MUTYH: variants seen among roughly 807,000 people sequenced by gnomAD.
The protein encoded by MUTYH is mutY DNA glycosylase, also known as adenine DNA glycosylase.
In MUTYH, 64 loss-of-function variants were observed where a neutral mutation model predicts 72.9. The ratio of observed to expected loss-of-function variants is 0.88; its 90% CI spans 0.72 to 1.08. The LOEUF (loss-of-function observed/expected upper bound fraction) is 1.08, where lower values mean the gene tolerates loss of function less well. Among genes scored for constraint, MUTYH ranks in the 50% least tolerant of loss-of-function variants. MUTYH has a pLI of 0.00. For missense variants in MUTYH, 633 were observed against 671.0 expected, an observed-to-expected ratio of 0.94 and a Z score of 0.63; for synonymous variants, 234 against 263.1, an observed-to-expected ratio of 0.89 and a Z score of 1.07.
intron 1 of MUTYH, among the ~76,000 whole-genome samples, chr1:45,337,893 G>A (rs896448735): frequency 2.6e-5 from 4 of 152,126 alleles, no homozygotes; most frequent in African/African-American, 9.7e-5. Flanking sequence ...ATGAACATAA[G>A]TAAATTCCAT....
Position 45,332,828 on chromosome 1 carries a change from T to C in MUTYH, c.427A>G (p.Asn143Asp), listed in dbSNP as rs773674701. The C allele has an allele frequency of 3.7e-6, 6 of 1,614,044 alleles. No individual in the cohort carries two copies. Among genetic ancestry groups the C allele is most frequent in the Non-Finnish European group, 5.1e-6 (6 of 1,180,040 alleles). ...DLASASLEEV[N>D]QLWAGLGYYS... ...TAGCCCAGGCCAGCCCAGAGTTGAT[T>C]CACCTCCTGTGGGTAGGATCAGAGG... Residue 143 changes from asparagine (N) to aspartate (D), a missense_variant, in exon 7 of 16, where the codon AAT becomes GAT. Transcript: ENST00000456914.
At chr1:45,340,041 G>T, upstream of MUTYH, 5 of 1,540,592 alleles carry the variant, frequency 3.2e-6, no homozygotes, top group Non-Finnish European at 3.5e-6. Flanking sequence ...GGGTCCACCC[G>T]GGCTGCGAGC....
intron 1 of MUTYH, among the ~76,000 whole-genome samples, chr1:45,335,338 G>A (rs1055539116): frequency 7.2e-5 from 11 of 151,806 alleles, no homozygotes; most frequent in African/African-American, 2.2e-4. Context: ...TCAAATCCAC[G>A]ACCAGCATTC....
At position 45,339,950 on chromosome 1, in the gene MUTYH, CCG is replaced by C. The variant is rs1297104161; in HGVS notation, c.-60_-59del. 3.3e-6 allele frequency: 5 copies of C among 1,493,164 alleles called. No homozygotes were observed. The highest frequency in any genetic ancestry group is 4.5e-6 in the Non-Finnish European group (5 of 1,110,246). The allele number at this position is 1,493,164 out of a possible 1,614,324, so 92.5% of individuals were successfully genotyped here. A position where few individuals can be genotyped will look rare whatever the true frequency, so the allele number is the denominator to read the frequency against. ...AGAACACGGAGGCCCCGCGTTCCCG[CCG>C]CGAGAGCAGGAGAGAAAGATTACCT... On this transcript the variant is annotated 5_prime_UTR_variant, in exon 1 of 16. Transcript: ENST00000456914.
rs587778537 is a variant in MUTYH, at chr1:45,331,847, G to A, written c.916C>T (p.Pro306Ser). ...CACAGGTGGCACTGTCCAGTGTTGG[G>A]AGCTGGGAACGGAGATCCCCGAACC... ...SGSPDVEECA[P>S]NTGQCHLCLP... The change falls in exon 12 of 16, where the codon CCC becomes TCC. Residue 306 changes from proline to serine, a missense_variant and splice_region_variant. Physicochemically the swap from Pro to Ser is moderately conservative, Grantham distance 74. Transcript: ENST00000456914. 6.2e-7 allele frequency: 1 copy of A among 1,602,042 alleles called. No homozygotes were observed. The highest frequency in any genetic ancestry group is 1.1e-5 in the South Asian group (1 of 89,996).
chr1:45,340,170 C>G, upstream of MUTYH: 1 of 1,609,600 alleles, frequency 6.2e-7, no homozygotes, highest in South Asian at 1.1e-5. Context: ...CCCGCCCCAT[C>G]CCCGACTGCC....
intron 2 of MUTYH, chr1:45,334,031 G>T: frequency 2.7e-6 from 1 of 374,776 alleles, no homozygotes. Flanking sequence ...TTTGAGACAA[G>T]AGTCTGGCTC....
rs1644764817 is a variant in MUTYH, at chr1:45,331,198, G to C, written c.1376C>G (p.Ser459Cys). 1 of 1,614,250 alleles carries C rather than the reference G, an allele frequency of 6.2e-7. No homozygotes were observed. Among genetic ancestry groups the C allele is most frequent in the Non-Finnish European group, 8.5e-7 (1 of 1,180,054 alleles). The change falls in exon 14 of 16, where the codon TCC (serine) becomes TGC (cysteine). Residue 459 changes from serine to cysteine, a missense_variant. Coordinates refer to ENST00000456914, the MANE Select transcript of MUTYH (RefSeq NM_001048174.2). The part of the protein sequence containing the change: ...TQEEFHTAAV[S>C]TAMKKVFRVY... Reference sequence around the variant, plus strand: ...AGGTAGTGCCTTTTTCATGGCGGTGGAAACAGCTGCGGTGTGAAATTCCTC... The same window carrying C: ...AGGTAGTGCCTTTTTCATGGCGGTGCAAACAGCTGCGGTGTGAAATTCCTC...
chr1:45,333,471 C>T lies in MUTYH; in HGVS notation c.206G>A (p.Arg69Gln), dbSNP rs755653922. Residue 69 changes from arginine (R) to glutamine (Q), a missense_variant, in exon 3 of 16, where the codon CGA (arginine) becomes CAA (glutamine). By Grantham distance (43) the Arg-to-Gln change is conservative. Coordinates refer to ENST00000456914, the MANE Select transcript of MUTYH (RefSeq NM_001048174.2). ...GTCGTACCAGCTTAGCAGGCTCCCT[C>T]GGAAGGCTGTGACTTCAGCTACGTC... ...FRDVAEVTAF[R>Q]GSLLSWYDQE... 2.4e-5 allele frequency: 39 copies of T among 1,614,218 alleles called. No individual in the cohort carries two copies. The Middle Eastern group carries it at 4.9e-4, about 20-fold the overall frequency.
chr1:45,333,069 G>T, intron 5 of MUTYH, 28 bp downstream of exon 5: 2 of 1,614,004 alleles, frequency 1.2e-6, no homozygotes, highest in South Asian at 2.2e-5. Flanking sequence ...TCTGACCCAT[G>T]ACCCTTCCCT....
At position 45,333,411 on chromosome 1, in the gene MUTYH, A is replaced by G; in HGVS notation, c.264+2T>C. On this transcript the variant is annotated splice_donor_variant, in intron 3 of 15. Coordinates refer to ENST00000456914, the MANE Select transcript of MUTYH (RefSeq NM_001048174.2). LOFTEE classifies it high-confidence loss of function. ...CACTGTCCCTGCTCCTCGCCTGCCT[A>G]CCCGTCTTCTCCATGGTAGGTCCCG... 1 of 1,613,852 alleles carries G rather than the reference A, an allele frequency of 6.2e-7. No individual in the cohort carries two copies. Among genetic ancestry groups the G allele is most frequent in the Non-Finnish European group, 8.5e-7 (1 of 1,179,938 alleles).
chr1:45,339,562 T>G, intron 1 of MUTYH: 2 of 334,282 alleles, frequency 6.0e-6, no homozygotes, highest in Non-Finnish European at 1.2e-5. Context: ...CTATACCGCC[T>G]AGCTGCTTCA....
chr1:45,332,173 C>T lies in MUTYH; in HGVS notation c.842G>A (p.Arg281His), dbSNP rs587782727. 2.5e-6 allele frequency: 4 copies of T among 1,614,072 alleles called. No individual in the cohort carries two copies. In the African/African-American group the frequency reaches 5.3e-5, roughly 22 times the overall value. ...QCPVESLCRA[R>H]QRVEQEQLLA... Reference sequence around the variant, plus strand: ...CTTCCCCAGTAGGCTTACTCTCTGGCGTGCCCGGCACAGGCTCTCCACAGG... The same window carrying T: ...CTTCCCCAGTAGGCTTACTCTCTGGTGTGCCCGGCACAGGCTCTCCACAGG... The change falls in exon 10 of 16, where the codon CGC (arginine) becomes CAC (histidine). Residue 281 changes from arginine to histidine, a missense_variant. Physicochemically the swap from Arg to His is conservative, Grantham distance 29. Transcript: ENST00000456914.
At position 45,334,204 on chromosome 1, in the gene MUTYH, G is replaced by T. The variant is rs879221483; in HGVS notation, c.115+187C>A. On this transcript the variant is annotated intron_variant, in intron 2 of 15. Transcript: ENST00000456914. Reference sequence around the variant, plus strand: ...GGATTTCGCCATGTTACCCAAGCTGGTCTCAAACTCCTGGGCTCAAGGGAT... The same window carrying T: ...GGATTTCGCCATGTTACCCAAGCTGTTCTCAAACTCCTGGGCTCAAGGGAT... 4 of 772,430 alleles carry T rather than the reference G, an allele frequency of 5.2e-6. No homozygotes were observed. In the South Asian group the frequency reaches 6.1e-5, roughly 12 times the overall value. 47.8% of individuals were successfully genotyped at this position (772,430 alleles called of 1,614,324 possible).
chr1:45,339,809 T>C, intron 1 of MUTYH, 90 bp downstream of exon 1: 2 of 1,299,710 alleles, frequency 1.5e-6, no homozygotes, highest in Admixed American at 2.3e-5. Context: ...GACCCTCTCC[T>C]AGTCTAACTC....
chr1:45,333,127 AG>A lies in MUTYH; in HGVS notation c.347del (p.Thr116MetfsTer2), dbSNP rs1645269761. 1 of 1,614,044 alleles carries A rather than the reference AG, an allele frequency of 6.2e-7. No homozygotes were observed. On this transcript the variant is annotated frameshift_variant, in exon 5 of 16. Coordinates refer to ENST00000456914, the MANE Select transcript of MUTYH (RefSeq NM_001048174.2). LOFTEE classifies it high-confidence loss of function. Reference sequence around the variant, plus strand: ...TCCATCCGGTATAGTAGTTGATCACAGTGGCAACCTGGGTCTGCTGCAGCAT... The same window carrying A: ...TCCATCCGGTATAGTAGTTGATCACATGGCAACCTGGGTCTGCTGCAGCAT... ...EVMLQQTQVA[T>X]VINYYTGWMQ...
upstream of MUTYH, chr1:45,340,138 A>G (rs573796966): frequency 2.5e-6 from 4 of 1,578,918 alleles, no homozygotes; most frequent in South Asian, 2.3e-5. Flanking sequence ...AGTTCGACCC[A>G]TCGGCGACCC....
At chr1:45,334,884 C>T (rs934421532) in intron 1 of MUTYH, among the ~76,000 whole-genome samples, 2 of 152,038 alleles carry the variant, frequency 1.3e-5, no homozygotes, top group African/African-American at 2.4e-5. Flanking sequence ...TGGGGGTAGG[C>T]GGTTTCTCTG....
intron 15 of MUTYH, 84 bp from the exon 16 acceptor site, chr1:45,329,521 C>G (rs554069631): frequency 3.4e-4 from 528 of 1,546,168 alleles, no homozygotes; most frequent in Non-Finnish European, 4.2e-4. Flanking sequence ...TCCCTTTCCC[C>G]GACTCTACTG....
Sources: gnomAD v4.1 joint callset for allele counts (sites outside exome capture counted in the v4.1 genomes callset) on GRCh38, gnomAD v4.1.1 for gene constraint, MANE v1.5 for transcripts, NCBI Gene and HGNC (gene_info 2026-07-23, HGNC 2026-07-21) for gene names.